The following CSMD2 variants were observed in gnomAD, a reference collection of about 807,000 sequenced individuals.
CSMD2 encodes CUB and Sushi multiple domains 2.
Under a neutral mutation model 398.5 loss-of-function variants are expected in CSMD2, and 130 were observed. The ratio of observed to expected loss-of-function variants is 0.33; its 90% confidence interval spans 0.28 to 0.38. The LOEUF is 0.38. Ranked by LOEUF, CSMD2 falls within the 10% of genes least tolerant of loss-of-function variation. CSMD2 has a pLI of 1.00. For missense variants in CSMD2, 3,829 were observed against 4,764.9 expected (o/e 0.80, Z 5.78); for synonymous variants, 1,828 against 1,908.5 (o/e 0.96, Z 1.10).
intron 4 of CSMD2, among the ~76,000 whole-genome samples, chr1:33,921,590 G>C (rs560792785): frequency 6.6e-6 from 1 of 152,128 alleles, no homozygotes; most frequent in African/African-American, 2.4e-5. Flanking sequence ...CATTTAGCCC[G>C]AACCTTCAAA....
chr1:33,621,280 G>C (rs761364866), intron 37 of CSMD2, among the ~76,000 whole-genome samples: 3 of 152,124 alleles, frequency 2.0e-5, no homozygotes, highest in Non-Finnish European at 2.9e-5. Context: ...ACACAGGGCG[G>C]GGCACATTGC....
intron 29 of CSMD2, among the ~76,000 whole-genome samples, chr1:33,638,699 A>G (rs1328884106): frequency 1.3e-5 from 2 of 152,170 alleles, no homozygotes; most frequent in East Asian, 1.9e-4. Context: ...GCTTTGCTCC[A>G]ACGACACTGG....
At chr1:33,540,926 T>C (rs1400461711) in intron 59 of CSMD2, among the ~76,000 whole-genome samples, 2 of 152,182 alleles carry the variant, frequency 1.3e-5, no homozygotes, top group Admixed American at 1.3e-4. Flanking sequence ...CTCCCCTCAA[T>C]GTTCATGGCC....
chr1:34,161,850 G>A (rs760396550), intron 1 of CSMD2, among the ~76,000 whole-genome samples: 11 of 152,088 alleles, frequency 7.2e-5, no homozygotes, highest in African/African-American at 1.2e-4. Context: ...AGATGAGCCT[G>A]TTCACAGGTC....
chr1:33,912,411 ACC>A (rs11333660), intron 5 of CSMD2, among the ~76,000 whole-genome samples: 3 of 146,858 alleles, frequency 2.0e-5, no homozygotes, highest in Non-Finnish European at 4.5e-5. Context: ...CGCATCATAC[ACC>A]CCCCCACACA....
intron 2 of CSMD2, among the ~76,000 whole-genome samples, chr1:34,053,549 C>T (rs927854286): frequency 6.6e-6 from 1 of 152,140 alleles, no homozygotes; most frequent in African/African-American, 2.4e-5. Flanking sequence ...CCTCTTTCTC[C>T]CTTTGTTTCC....
At chr1:34,094,850 C>T (rs1268114538) in intron 1 of CSMD2, among the ~76,000 whole-genome samples, 12 of 150,134 alleles carry the variant, frequency 8.0e-5, no homozygotes, top group Admixed American at 3.3e-4. Flanking sequence ...GACAGATCAA[C>T]GAGACAGAAA....
intron 1 of CSMD2, among the ~76,000 whole-genome samples, chr1:34,115,322 GGAAA>G (rs1661503334): frequency 1.3e-5 from 2 of 152,008 alleles, no homozygotes; most frequent in South Asian, 4.2e-4. Flanking sequence ...AGACAAGGAA[GGAAA>G]GAATCTTGAA....
intron 1 of CSMD2, among the ~76,000 whole-genome samples, chr1:34,102,314 G>GCCA (rs1660034129): frequency 1.3e-5 from 2 of 152,192 alleles, no homozygotes; most frequent in African/African-American, 4.8e-5. Context: ...ACAGGCGTGA[G>GCCA]CCACCGCACC....
At chr1:33,998,361 T>A (rs993692057) in intron 3 of CSMD2, among the ~76,000 whole-genome samples, 25 of 152,180 alleles carry the variant, frequency 1.6e-4, no homozygotes, top group African/African-American at 5.8e-4. Flanking sequence ...CATTCCTTTT[T>A]AAATAAATTT....
At chr1:33,825,419 G>A (rs915416551) in intron 7 of CSMD2, among the ~76,000 whole-genome samples, 10 of 152,248 alleles carry the variant, frequency 6.6e-5, no homozygotes, top group African/African-American at 2.2e-4. Context: ...AGAGAGAAAT[G>A]TAGCAGTAAT....
At chr1:34,093,136 C>T (rs893818903) in intron 1 of CSMD2, among the ~76,000 whole-genome samples, 11 of 152,224 alleles carry the variant, frequency 7.2e-5, no homozygotes, top group Admixed American at 3.9e-4. Context: ...AGGCACCCCC[C>T]AGCAGGGGCA....
intron 25 of CSMD2, among the ~76,000 whole-genome samples, chr1:33,668,512 T>C (rs1018693710): frequency 6.6e-6 from 1 of 152,136 alleles, no homozygotes; most frequent in African/African-American, 2.4e-5. Flanking sequence ...ACTTATCTTA[T>C]AGAAATCAGA....
intron 25 of CSMD2, among the ~76,000 whole-genome samples, chr1:33,687,385 A>G (rs946421900): frequency 1.3e-5 from 2 of 152,248 alleles, no homozygotes; most frequent in Admixed American, 1.3e-4. Flanking sequence ...TGAAATAAAA[A>G]CAAAAGCAAG....
chr1:34,114,259 G>T (rs936762349), intron 1 of CSMD2, among the ~76,000 whole-genome samples: 1 of 151,900 alleles, frequency 6.6e-6, no homozygotes, highest in Non-Finnish European at 1.5e-5. Context: ...ACTTTCCCTT[G>T]TGTAAAACTA....
At chr1:33,745,943 T>G (rs1647318978) in intron 13 of CSMD2, among the ~76,000 whole-genome samples, 1 of 152,152 alleles carries the variant, frequency 6.6e-6, no homozygotes, top group East Asian at 1.9e-4. Flanking sequence ...CATTTAAAGA[T>G]GAAGACACTG....
chr1:33,720,964 T>C (rs1264084626), intron 19 of CSMD2, among the ~76,000 whole-genome samples: 1 of 152,192 alleles, frequency 6.6e-6, no homozygotes, highest in African/African-American at 2.4e-5. Flanking sequence ...ACACCCAAAG[T>C]GCTGGGATTA....
intron 1 of CSMD2, among the ~76,000 whole-genome samples, chr1:34,149,294 C>T (rs1323451593): frequency 1.3e-5 from 2 of 152,128 alleles, no homozygotes; most frequent in African/African-American, 4.8e-5. Context: ...CCTGTTCCAG[C>T]CAGGGAGAAA....
At chr1:33,832,744 A>G (rs1659743763) in intron 6 of CSMD2, among the ~76,000 whole-genome samples, 2 of 151,500 alleles carry the variant, frequency 1.3e-5, no homozygotes, top group African/African-American at 4.9e-5. Context: ...CAAAATTGAT[A>G]GACCGCTAGC....
Sources: allele counts gnomAD v4.1 joint callset (sites outside exome capture counted in the v4.1 genomes callset), GRCh38; gene constraint gnomAD v4.1.1; transcripts MANE v1.5; gene names NCBI Gene and HGNC (gene_info 2026-07-23, HGNC 2026-07-21).